The following PI4KA variants were observed in gnomAD, a reference collection of about 807,000 sequenced individuals.
The protein encoded by PI4KA is phosphatidylinositol 4-kinase alpha.
Under a neutral mutation model 271.4 loss-of-function variants are expected in PI4KA, and 122 were observed. That is an observed-to-expected ratio of 0.45 (90% CI 0.39 to 0.52). The LOEUF is 0.52. PI4KA is among the 20% of genes least tolerant of loss of function. PI4KA has a pLI of 0.00. For synonymous variants in PI4KA, 1,041 were observed against 1,078.8 expected, an observed-to-expected ratio of 0.96 and a Z score of 0.69; for missense variants, 1,969 against 2,769.1, an observed-to-expected ratio of 0.71 and a Z score of 6.48.
chr22:20,727,552 C>T (rs1414777493), intron 40 of PI4KA, 155 bp from the exon 41 acceptor site: 13 of 743,712 alleles, frequency 1.7e-5, no homozygotes, highest in Middle Eastern at 3.0e-4. Flanking sequence ...TGGAAAACAA[C>T]GTAACTGCAA....
rs150307649 is a variant in PI4KA at position 20,727,281 on chromosome 22, C to T, written c.4890G>A (p.Pro1630=). ...CCCCGTACTGCGCCGTGAGAGGGTG[C>T]GGCGGGTACATGCTGGAGAAGTAGG... ...GLSYFSSMYP[P]HPLTAQYGVK... Residue 1630 remains proline, a synonymous_variant, in exon 41 of 55, where the codon CCG becomes CCA. Transcript: ENST00000255882. 3.5e-5 allele frequency: 57 copies of T among 1,613,090 alleles called. No individual in the cohort carries two copies. The highest frequency in any genetic ancestry group is 6.7e-5 in the African/African-American group (5 of 74,906).
At chr22:20,717,430 G>T (rs1347357139) in intron 45 of PI4KA, among the ~76,000 whole-genome samples, 1 of 152,400 alleles carries the variant, frequency 6.6e-6, no homozygotes, top group African/African-American at 2.4e-5. Flanking sequence ...CTCTTCTAGA[G>T]TAACAGCTAC....
intron 8 of PI4KA, among the ~76,000 whole-genome samples, chr22:20,813,094 G>A (rs1381750343): frequency 3.3e-5 from 5 of 152,164 alleles, no homozygotes; most frequent in African/African-American, 4.8e-5. Flanking sequence ...TATCCATGAC[G>A]TGTTTGACAC....
rs535521417 is a variant in PI4KA, at chr22:20,753,153, G to A, written c.2819C>T (p.Ala940Val). 44 of 1,613,366 alleles carry A rather than the reference G, an allele frequency of 2.7e-5. No homozygotes were observed. In the East Asian group the frequency reaches 8.5e-4, roughly 31 times the overall value. ...SGMMQCVIAVADKVFDAFLNM... is the reference protein window; with the variant it reads ...SGMMQCVIAVVDKVFDAFLNM... ...CAGGAAGGCATCGAATACTTTGTCC[G>A]CGACTGCAATCACACACTGCATCAT... Residue 940 changes from alanine to valine, a missense_variant, in exon 24 of 55, where the codon GCG becomes GTG. Coordinates refer to ENST00000255882, the MANE Select transcript of PI4KA (RefSeq NM_058004.4).
chr22:20,759,250 C>G (rs974438211), intron 23 of PI4KA, among the ~76,000 whole-genome samples: 1 of 152,108 alleles, frequency 6.6e-6, no homozygotes, highest in Non-Finnish European at 1.5e-5. Context: ...TGCTATGTAG[C>G]CCAGGCTGGT....
Position 20,858,651 on chromosome 22 carries a change from G to C in PI4KA, c.75C>G (p.Ser25Arg). 8 of 1,483,580 alleles carry C rather than the reference G, an allele frequency of 5.4e-6. No homozygotes were observed. Among genetic ancestry groups the C allele is most frequent in the Non-Finnish European group, 6.2e-6 (7 of 1,123,520 alleles). 91.9% of individuals were successfully genotyped at this position (1,483,580 alleles called of 1,614,324 possible). The stretch of plus-strand genomic sequence containing the variant: ...TGTTGAAATAGAAGCCCCGCGAGGC[G>C]CTGGAGCCGGAGCCGGAGCAGCCGC... ...GGGGCSGSGSSASRGFYFNTV... is the reference protein window; with the variant it reads ...GGGGCSGSGSRASRGFYFNTV... Residue 25 changes from serine to arginine, a missense_variant, in exon 1 of 55, where the codon AGC becomes AGG. Ser to Arg is a moderately radical substitution (Grantham distance 110). Transcript: ENST00000255882.
chr22:20,807,361 C>A lies in PI4KA; in HGVS notation c.1168+1G>T. On this transcript the variant is annotated splice_donor_variant, in intron 10 of 54. Transcript: ENST00000255882. LOFTEE classifies it high-confidence loss of function. ...CAAACACATGGGCAAACTGTCCTCACCCTTCATGTAGTACAGAGTGTCACG... is the reference window on the plus strand; with the variant it reads ...CAAACACATGGGCAAACTGTCCTCAACCTTCATGTAGTACAGAGTGTCACG... 1 of 1,591,088 alleles carries A rather than the reference C, an allele frequency of 6.3e-7. No individual in the cohort carries two copies. Among genetic ancestry groups the A allele is most frequent in the Non-Finnish European group, 8.6e-7 (1 of 1,159,024 alleles).
intron 9 of PI4KA, among the ~76,000 whole-genome samples, chr22:20,808,026 C>T (rs1285872268): frequency 6.6e-6 from 1 of 151,468 alleles, no homozygotes; most frequent in Non-Finnish European, 1.5e-5. Context: ...TGTGGTGGCT[C>T]ACGCCTGTAA....
chr22:20,767,782 G>A (rs1601442649), intron 19 of PI4KA, among the ~76,000 whole-genome samples: 1 of 151,814 alleles, frequency 6.6e-6, no homozygotes, highest in South Asian at 2.1e-4. Context: ...CTACGGGCAT[G>A]CACCACTATG....
intron 5 of PI4KA, among the ~76,000 whole-genome samples, chr22:20,820,112 A>G (rs543067796): frequency 1.3e-5 from 2 of 152,316 alleles, no homozygotes; most frequent in East Asian, 3.9e-4. Context: ...TGACTTCAAT[A>G]CACCCAGCTG....
chr22:20,723,774 T>C (rs1927022693), intron 42 of PI4KA, among the ~76,000 whole-genome samples: 2 of 151,930 alleles, frequency 1.3e-5, no homozygotes, highest in South Asian at 2.1e-4. Flanking sequence ...GAGGTTGCAG[T>C]GAGCCGTGAT....
chr22:20,729,066 G>C (rs916318225), intron 39 of PI4KA, among the ~76,000 whole-genome samples: 3 of 152,194 alleles, frequency 2.0e-5, no homozygotes, highest in Non-Finnish European at 2.9e-5. Context: ...TCACCCTGCT[G>C]CTACCTCCCT....
intron 45 of PI4KA, among the ~76,000 whole-genome samples, chr22:20,715,748 T>C (rs1456216701): frequency 6.6e-6 from 1 of 152,060 alleles, no homozygotes; most frequent in Non-Finnish European, 1.5e-5. Flanking sequence ...GTGCTGGGAT[T>C]AAGGCATGAG....
chr22:20,852,053 G>A (rs985297716), intron 1 of PI4KA, among the ~76,000 whole-genome samples: 2 of 152,204 alleles, frequency 1.3e-5, no homozygotes, highest in Non-Finnish European at 2.9e-5. Context: ...GAACCCAGGA[G>A]GCAGAGCTTG....
chr22:20,797,856 C>A (rs756865274), intron 17 of PI4KA, among the ~76,000 whole-genome samples: 3 of 152,130 alleles, frequency 2.0e-5, no homozygotes, highest in Non-Finnish European at 4.4e-5. Flanking sequence ...AAGAGTAACG[C>A]CTGCAAAGGG....
chr22:20,852,704 G>T (rs1000461971), intron 1 of PI4KA, among the ~76,000 whole-genome samples: 2 of 152,214 alleles, frequency 1.3e-5, no homozygotes, highest in African/African-American at 2.4e-5. Flanking sequence ...AAAGCAAAGG[G>T]AAAGAGGATA....
chr22:20,845,732 G>C (rs183215767), intron 1 of PI4KA, among the ~76,000 whole-genome samples: 2 of 152,194 alleles, frequency 1.3e-5, no homozygotes. Context: ...GAGCGCGGTG[G>C]GAAGTGCCTG....
In PI4KA at chr22:20,796,154, C is replaced by A. The variant is rs140922918; in HGVS notation, c.2269G>T (p.Ala757Ser). The change falls in exon 18 of 55, where the codon GCC (alanine) becomes TCC (serine). Residue 757 changes from alanine (A) to serine (S), a missense_variant. Physicochemically the swap from Ala to Ser is moderately conservative, Grantham distance 99. Around this residue, in one of 13 missense-constraint regions of PI4KA, gnomAD observed 368 missense variants for 544.3 expected, o/e 0.68. Transcript: ENST00000255882. ...GCCATCCTCCTTCCTACCTTTAGGG[C>A]AGGGCCCTTCTCGCTTGCCCTCTCG... ...ASERASEKGP[A>S]LKASSSAGNL... The A allele has an allele frequency of 2.5e-6, 4 of 1,613,226 alleles. No homozygotes were observed. The highest frequency in any genetic ancestry group is 1.3e-5 in the African/African-American group (1 of 75,018).
chr22:20,764,246 T>C (rs2147392523), intron 22 of PI4KA, among the ~76,000 whole-genome samples: 1 of 152,232 alleles, frequency 6.6e-6, no homozygotes, highest in East Asian at 1.9e-4. Context: ...CGTAAACATG[T>C]GTAATGCAGC....
Sources: gnomAD v4.1 joint callset for allele counts (sites outside exome capture counted in the v4.1 genomes callset) on GRCh38, gnomAD v4.1.1 for gene constraint, gnomAD v4.1.1 regional missense constraint, MANE v1.5 for transcripts, NCBI Gene and HGNC (gene_info 2026-07-23, HGNC 2026-07-21) for gene names.